ZNRF3: variants seen among roughly 807,000 people sequenced by gnomAD.
ZNRF3 encodes zinc and ring finger 3.
In ZNRF3, 23 loss-of-function variants were observed where a neutral mutation model predicts 72.5. That is an observed-to-expected ratio of 0.32 (90% confidence interval 0.23 to 0.45). ZNRF3 has a LOEUF of 0.45. Among genes scored for constraint, ZNRF3 ranks in the 20% least tolerant of loss-of-function variants. The pLI, the probability that ZNRF3 is intolerant of heterozygous loss-of-function variation, is 1.00. For missense variants in ZNRF3, 1,169 were observed against 1,272.1 expected (o/e 0.92, Z 1.23); for synonymous variants, 610 against 545.3 (o/e 1.12, Z -1.65).
chr22:28,997,876 A>G (rs1175375816), intron 2 of ZNRF3, among the ~76,000 whole-genome samples: 1 of 150,920 alleles, frequency 6.6e-6, no homozygotes, highest in African/African-American at 2.4e-5. Flanking sequence ...ATGGTGGCAC[A>G]CACTGTAGTC....
intron 1 of ZNRF3, among the ~76,000 whole-genome samples, chr22:28,923,969 G>A (rs946965698): frequency 6.6e-6 from 1 of 152,256 alleles, no homozygotes; most frequent in Non-Finnish European, 1.5e-5. Flanking sequence ...CGGATCCCGC[G>A]TGGGCGCTGT....
chr22:29,037,215 G>A (rs2036882749), intron 2 of ZNRF3, among the ~76,000 whole-genome samples: 1 of 152,164 alleles, frequency 6.6e-6, no homozygotes, highest in African/African-American at 2.4e-5. Context: ...GAATAGAGAT[G>A]GCGGTAGGTC....
At position 29,007,852 on chromosome 22, in the gene ZNRF3, G is replaced by A. The variant is rs2036287198; in HGVS notation, c.426+20651G>A. Among the ~76,000 whole-genome samples, 3 of 148,794 alleles carry A rather than the reference G, an allele frequency of 2.0e-5. No individual in the cohort carries two copies. The South Asian group carries it at 6.4e-4, about 32-fold the overall frequency. On this transcript the variant is annotated intron_variant, in intron 2 of 8. Transcript: ENST00000544604. ...GCTCACCACAACCTCCGCCTCCCAG[G>A]TTCAAGCAATTCTCCTGCCTCAGCC... is the stretch of plus-strand genomic sequence containing the variant.
chr22:28,981,649 C>A (rs981869550), intron 1 of ZNRF3, among the ~76,000 whole-genome samples: 1 of 152,118 alleles, frequency 6.6e-6, no homozygotes, highest in Non-Finnish European at 1.5e-5. Context: ...GTGGGCCATG[C>A]GGGGATATTC....
chr22:28,994,967 A>G (rs555186858), intron 2 of ZNRF3, among the ~76,000 whole-genome samples: 1 of 152,236 alleles, frequency 6.6e-6, no homozygotes, highest in South Asian at 2.1e-4. Flanking sequence ...CAATCTAGGT[A>G]CAATGAGGAC....
chr22:29,023,674 G>C (rs548183541), intron 2 of ZNRF3, among the ~76,000 whole-genome samples: 54 of 152,328 alleles, frequency 3.5e-4, no homozygotes, highest in African/African-American at 1.2e-3. Flanking sequence ...TAGAGAAGTA[G>C]GATCAGTCAT....
intron 1 of ZNRF3, among the ~76,000 whole-genome samples, chr22:28,958,145 G>A (rs1241645023): frequency 2.0e-5 from 3 of 152,184 alleles, no homozygotes; most frequent in East Asian, 1.9e-4. Flanking sequence ...CTGAGATTGC[G>A]CCACTGCATG....
chr22:29,017,904 A>T (rs1352533865), intron 2 of ZNRF3: 2 of 481,980 alleles, frequency 4.1e-6, no homozygotes, highest in Non-Finnish European at 8.4e-6. Context: ...AGGCTTTTAG[A>T]TGTGTCCTTA....
chr22:28,939,216 G>A (rs577670051), intron 1 of ZNRF3, among the ~76,000 whole-genome samples: 110 of 151,220 alleles, frequency 7.3e-4, no homozygotes, highest in African/African-American at 2.6e-3. Flanking sequence ...TTTGGGAGGC[G>A]GAGGTAGCAG....
intron 1 of ZNRF3, among the ~76,000 whole-genome samples, chr22:28,955,667 C>T (rs543217432): frequency 6.6e-6 from 1 of 151,960 alleles, no homozygotes; most frequent in South Asian, 2.1e-4. Flanking sequence ...GTTGGAAAAC[C>T]ATATGTTTTG....
chr22:28,894,743 A>C (rs2033959336), intron 1 of ZNRF3, among the ~76,000 whole-genome samples: 1 of 152,180 alleles, frequency 6.6e-6, no homozygotes, highest in South Asian at 2.1e-4. Context: ...ATGCAAGTTG[A>C]GCCCAAGCAC....
At position 29,054,498 on chromosome 22, in the gene ZNRF3, T is replaced by A. The variant is rs1235008016; in HGVS notation, c.*876T>A. 1 of 152,552 alleles carries A rather than the reference T, an allele frequency of 6.6e-6. No individual in the cohort carries two copies. The highest frequency in any genetic ancestry group is 2.4e-5 in the African/African-American group (1 of 41,468). The allele number at this position is 152,552 out of a possible 1,614,324, so 9.4% of individuals were successfully genotyped here. A position where few individuals can be genotyped will look rare whatever the true frequency, so the allele number is the denominator to read the frequency against. Reference sequence around the variant, plus strand: ...TGTTCTTGGGGCCCTCGACCTGAACTCTGACCCTCCGGGCAGGGAAGAGGA... The same window carrying A: ...TGTTCTTGGGGCCCTCGACCTGAACACTGACCCTCCGGGCAGGGAAGAGGA... On this transcript the variant is annotated 3_prime_UTR_variant, in exon 9 of 9. Transcript: ENST00000544604.
intron 1 of ZNRF3, among the ~76,000 whole-genome samples, chr22:28,912,451 G>A (rs972500311): frequency 6.6e-6 from 1 of 151,812 alleles, no homozygotes; most frequent in Non-Finnish European, 1.5e-5. Flanking sequence ...GATTACATCC[G>A]GGGATCAAGG....
At position 28,942,582 on chromosome 22, in the gene ZNRF3, G is replaced by T. The variant is rs147361005; in HGVS notation, c.301-44494G>T. ...GTGTATCCCAAGATCTTTCTCCAGA[G>T]CGAGAGAGTGGAATTTGATTCTCTA... On this transcript the variant is annotated intron_variant, in intron 1 of 8. Coordinates refer to ENST00000544604, the MANE Select transcript of ZNRF3 (RefSeq NM_001206998.2). Among the ~76,000 whole-genome samples, 49 of 152,300 alleles carry T rather than the reference G, an allele frequency of 3.2e-4. No homozygotes were observed. In the East Asian group the frequency reaches 6.7e-3, roughly 21 times the overall value.
At chr22:28,914,426 G>A (rs2034372007) in intron 1 of ZNRF3, among the ~76,000 whole-genome samples, 1 of 150,678 alleles carries the variant, frequency 6.6e-6, no homozygotes, top group Non-Finnish European at 1.5e-5. Flanking sequence ...ATGCTAAGAG[G>A]AAACTGAGAT....
intron 1 of ZNRF3, among the ~76,000 whole-genome samples, chr22:28,887,235 A>AGAGTGTGTGT (rs376319811): frequency 1.9e-4 from 18 of 93,090 alleles, no homozygotes; most frequent in Admixed American, 8.9e-4. Flanking sequence ...AGAGAGAGAG[A>AGAGTGTGTGT]GTGTGTGTGT....
chr22:28,961,470 A>G (rs906280863), intron 1 of ZNRF3, among the ~76,000 whole-genome samples: 1 of 152,224 alleles, frequency 6.6e-6, no homozygotes, highest in Admixed American at 6.5e-5. Flanking sequence ...GGGTTCTAGA[A>G]AGATCATGTG....
chr22:28,936,319 C>CCATCTAT (rs2034819638), intron 1 of ZNRF3, among the ~76,000 whole-genome samples: 1 of 152,166 alleles, frequency 6.6e-6, no homozygotes, highest in Non-Finnish European at 1.5e-5. Context: ...CCAGCTTGGT[C>CCATCTAT]CATCTCTCAT....
At chr22:28,964,155 G>A (rs2035416683) in intron 1 of ZNRF3, among the ~76,000 whole-genome samples, 1 of 152,132 alleles carries the variant, frequency 6.6e-6, no homozygotes, top group African/African-American at 2.4e-5. Context: ...CAAATTTTGA[G>A]GCAACCGACT....
Sources: gnomAD v4.1 joint callset for allele counts (sites outside exome capture counted in the v4.1 genomes callset) on GRCh38, gnomAD v4.1.1 for gene constraint, MANE v1.5 for transcripts, NCBI Gene and HGNC (gene_info 2026-07-23, HGNC 2026-07-21) for gene names.